CDH12: variants seen among roughly 807,000 people sequenced by gnomAD.
The protein encoded by CDH12 is cadherin 12.
Under a neutral mutation model 74.1 loss-of-function variants are expected in CDH12, and 41 were observed. The observed-to-expected ratio is 0.55, with a 90% CI of 0.43 to 0.72. The LOEUF (loss-of-function observed/expected upper bound fraction) is 0.72, where lower values mean the gene tolerates loss of function less well. Among genes scored for constraint, CDH12 ranks in the 30% least tolerant of loss-of-function variants. The probability of loss-of-function intolerance (pLI) is 0.00; values close to 1 mark genes in which losing one functional copy is unlikely to be tolerated. For synonymous variants in CDH12, 399 were observed against 355.0 expected (o/e 1.12, Z -1.39); for missense variants, 945 against 977.2 (o/e 0.97, Z 0.44).
At chr5:21,964,728 T>C (rs530901595) in intron 6 of CDH12, among the ~76,000 whole-genome samples, 7 of 152,056 alleles carry the variant, frequency 4.6e-5, no homozygotes, top group Non-Finnish European at 7.4e-5. Flanking sequence ...ATAAACAAGA[T>C]GTATTTTTAA....
At chr5:21,950,859 T>C (rs1326664539) in intron 6 of CDH12, among the ~76,000 whole-genome samples, 1 of 150,774 alleles carries the variant, frequency 6.6e-6, no homozygotes, top group Non-Finnish European at 1.5e-5. Context: ...AATCTCAACC[T>C]CACTGCAAGC....
intron 6 of CDH12, among the ~76,000 whole-genome samples, chr5:21,919,597 G>A (rs945642630): frequency 7.0e-4 from 106 of 152,098 alleles, no homozygotes; most frequent in African/African-American, 2.5e-3. Flanking sequence ...CCCTAGCCAC[G>A]TGCAGTATTT....
In CDH12 at chr5:22,675,870, C is replaced by CATATAT. The variant is rs144687047; in HGVS notation, c.-522-170512_-522-170507dup. Reference sequence around the variant, plus strand: ...TGTATATATTTATACTTTTGTATCTCATATATATATATATATACTTTTGTT... The same window carrying CATATAT: ...TGTATATATTTATACTTTTGTATCTCATATATATATATATATATATATACTTTTGTT... On this transcript the variant is annotated intron_variant, in intron 1 of 14. Transcript: ENST00000382254. Among the ~76,000 whole-genome samples, 32 of 92,158 alleles carry CATATAT rather than the reference C, an allele frequency of 3.5e-4. 2 individuals carry two copies. Among genetic ancestry groups the CATATAT allele is most frequent in the Non-Finnish European group, 4.7e-4 (22 of 46,470 alleles). The allele number at this position is 92,158 out of a possible 152,430, so 60.5% of individuals were successfully genotyped here. A position where few individuals can be genotyped will look rare whatever the true frequency, so the allele number is the denominator to read the frequency against.
chr5:22,216,682 A>G (rs1298843059), intron 3 of CDH12, among the ~76,000 whole-genome samples: 22 of 151,298 alleles, frequency 1.5e-4, no homozygotes, highest in South Asian at 2.1e-4. Flanking sequence ...TGGAGGCTGA[A>G]TGACTAAACT....
chr5:22,176,285 T>C (rs1398596410), intron 4 of CDH12, among the ~76,000 whole-genome samples: 1 of 152,104 alleles, frequency 6.6e-6, no homozygotes, highest in Non-Finnish European at 1.5e-5. Context: ...AATCCCTTCA[T>C]TGTTTTGTTG....
intron 4 of CDH12, among the ~76,000 whole-genome samples, chr5:22,154,254 C>G (rs1470374673): frequency 6.6e-6 from 1 of 150,894 alleles, no homozygotes; most frequent in East Asian, 1.9e-4. Flanking sequence ...ACATTTAAGA[C>G]CTACTCTCTA....
intron 1 of CDH12, among the ~76,000 whole-genome samples, chr5:22,835,366 C>G (rs1351790907): frequency 6.6e-6 from 1 of 152,144 alleles, no homozygotes. Context: ...GGAAATATTG[C>G]AGATGGGAAG....
intron 1 of CDH12, among the ~76,000 whole-genome samples, chr5:22,668,791 C>G (rs1245698756): frequency 6.6e-6 from 1 of 152,182 alleles, no homozygotes; most frequent in East Asian, 1.9e-4. Flanking sequence ...GCAGCTGTGT[C>G]TGTTGATTTA....
intron 4 of CDH12, among the ~76,000 whole-genome samples, chr5:22,091,043 C>T (rs945410492): frequency 6.6e-6 from 1 of 151,650 alleles, no homozygotes; most frequent in African/African-American, 2.4e-5. Context: ...ACACTCTCCT[C>T]GTGTCTTTAC....
At chr5:21,780,319 A>C (rs1284731166) in intron 11 of CDH12, among the ~76,000 whole-genome samples, 1 of 152,184 alleles carries the variant, frequency 6.6e-6, no homozygotes, top group Non-Finnish European at 1.5e-5. Flanking sequence ...TTCCACTATA[A>C]AGGTTCATAC....
intron 3 of CDH12, among the ~76,000 whole-genome samples, chr5:22,375,155 C>T (rs185654589): frequency 3.3e-5 from 5 of 152,136 alleles, no homozygotes; most frequent in Non-Finnish European, 7.4e-5. Context: ...CAAGTATTTA[C>T]GTCCAACTGA....
At chr5:22,329,271 G>A (rs184800801) in intron 3 of CDH12, among the ~76,000 whole-genome samples, 1 of 152,154 alleles carries the variant, frequency 6.6e-6, no homozygotes, top group Non-Finnish European at 1.5e-5. Context: ...AGGATTCACA[G>A]AGAAGCTGAA....
chr5:22,689,865 A>C (rs746997841), intron 1 of CDH12, among the ~76,000 whole-genome samples: 7 of 152,114 alleles, frequency 4.6e-5, no homozygotes, highest in Non-Finnish European at 1.0e-4. Flanking sequence ...ATGGGTACAA[A>C]TAATTATAAT....
At chr5:21,920,896 A>G (rs1754322915) in intron 6 of CDH12, among the ~76,000 whole-genome samples, 1 of 152,148 alleles carries the variant, frequency 6.6e-6, no homozygotes, top group Admixed American at 6.6e-5. Context: ...TGAGGCAAAG[A>G]AAGAAGAATC....
At chr5:21,906,365 T>G (rs1561289272) in intron 6 of CDH12, among the ~76,000 whole-genome samples, 1 of 152,204 alleles carries the variant, frequency 6.6e-6, no homozygotes, top group Non-Finnish European at 1.5e-5. Flanking sequence ...ATACTGAGAT[T>G]TGACACATAC....
intron 4 of CDH12, among the ~76,000 whole-genome samples, chr5:22,160,772 G>A (rs981536700): frequency 6.6e-6 from 1 of 152,016 alleles, no homozygotes; most frequent in African/African-American, 2.4e-5. Flanking sequence ...TATTATAAGG[G>A]CACTAATCCT....
rs574285387 is a variant in CDH12 at position 21,759,970 on chromosome 5, G to GATA, written c.1633+585_1633+587dup. Among the ~76,000 whole-genome samples, 22 of 152,184 alleles carry GATA rather than the reference G, an allele frequency of 1.4e-4. No individual in the cohort carries two copies. In the East Asian group the frequency reaches 3.1e-3, roughly 21 times the overall value. ...TCTGTTCCTGTGTTAGTTTGCTAAA[G>GATA]ATAATAGCCTCCAGCTCCATCCATG... On this transcript the variant is annotated intron_variant, in intron 13 of 14. Coordinates refer to ENST00000382254, the MANE Select transcript of CDH12 (RefSeq NM_004061.5).
At chr5:22,824,855 AAT>A (rs980435140) in intron 1 of CDH12, among the ~76,000 whole-genome samples, 24 of 151,930 alleles carry the variant, frequency 1.6e-4, no homozygotes, top group Middle Eastern at 3.7e-3. Context: ...ATCCAAAATT[AAT>A]ATATATGTGT....
At chr5:22,564,016 A>G (rs1042578975) in intron 1 of CDH12, among the ~76,000 whole-genome samples, 33 of 152,170 alleles carry the variant, frequency 2.2e-4, no homozygotes, top group Admixed American at 2.0e-4. Flanking sequence ...GAGCCAAAAC[A>G]TATCGATTAT....
Sources: gnomAD v4.1 joint callset for allele counts (sites outside exome capture counted in the v4.1 genomes callset) on GRCh38, gnomAD v4.1.1 for gene constraint, MANE v1.5 for transcripts, NCBI Gene and HGNC (gene_info 2026-07-23, HGNC 2026-07-21) for gene names.